Variants in XRCC4 observed in about 807,000 individuals in gnomAD.
XRCC4 encodes DNA repair protein XRCC4.
A neutral mutation model predicts 39.1 loss-of-function variants in XRCC4; 28 were observed. The ratio of observed to expected loss-of-function variants is 0.72; its 90% confidence interval spans 0.53 to 0.98. The LOEUF is 0.98. XRCC4 is among the 50% of genes least tolerant of loss of function. The pLI, the probability that XRCC4 is intolerant of heterozygous loss-of-function variation, is 0.00. For missense variants in XRCC4, 350 were observed against 376.4 expected, an observed-to-expected ratio of 0.93 and a Z score of 0.58; for synonymous variants, 123 against 126.4, an observed-to-expected ratio of 0.97 and a Z score of 0.18.
chr5:83,359,724 A>T, the XRCC4 span, among the ~76,000 whole-genome samples: 4 of 152,216 alleles, frequency 2.6e-5, no homozygotes, highest in Non-Finnish European at 5.9e-5. Flanking sequence ...ATTAATTTCC[A>T]TTAGCTTCAA....
intron 1 of XRCC4, among the ~76,000 whole-genome samples, chr5:83,078,469 G>T (rs1744779480): frequency 6.6e-6 from 1 of 152,174 alleles, no homozygotes; most frequent in African/African-American, 2.4e-5. Flanking sequence ...CTTAGAAGGT[G>T]GATAGAGAGA....
intron 7 of XRCC4, among the ~76,000 whole-genome samples, chr5:83,288,957 C>G (rs901069866): frequency 4.6e-5 from 7 of 151,484 alleles, no homozygotes; most frequent in Non-Finnish European, 1.0e-4. Flanking sequence ...ATATTCTGTT[C>G]TATTTTTTCA....
At chr5:83,278,879 G>T (rs4317300) in intron 7 of XRCC4, among the ~76,000 whole-genome samples, 30,419 of 149,998 alleles carry the variant, frequency 0.2, 7,206 homozygotes, top group African/African-American at 0.58. Context: ...TCCCAGGTAC[G>T]TAGGGGGCTG....
chr5:83,335,071 C>T (rs900020355), intron 7 of XRCC4, among the ~76,000 whole-genome samples: 1 of 151,912 alleles, frequency 6.6e-6, no homozygotes, highest in Admixed American at 6.6e-5. Context: ...GTGCTATTCT[C>T]CTCTGTCCTG....
intron 7 of XRCC4, among the ~76,000 whole-genome samples, chr5:83,320,532 A>T (rs1382095339): frequency 6.6e-6 from 1 of 152,078 alleles, no homozygotes; most frequent in Non-Finnish European, 1.5e-5. Context: ...ATTTTGAAAG[A>T]AGTTCTACTG....
At chr5:83,133,791 ATGCAAGCAGCCCTTGCT>A (rs552415521) in intron 3 of XRCC4, among the ~76,000 whole-genome samples, 36 of 136,070 alleles carry the variant, frequency 2.6e-4, no homozygotes, top group Admixed American at 1.3e-3. Flanking sequence ...AGGTGACAAC[ATGCAAGCAGCCCTTGCT>A]TGCTCTTGGT....
At chr5:83,344,516 C>T (rs1056814401) in intron 7 of XRCC4, among the ~76,000 whole-genome samples, 6 of 150,720 alleles carry the variant, frequency 4.0e-5, no homozygotes, top group South Asian at 4.2e-4. Context: ...ATGATCCTCC[C>T]GCCTCAGCCT....
chr5:83,298,850 T>G (rs532750363), intron 7 of XRCC4, among the ~76,000 whole-genome samples: 1 of 152,156 alleles, frequency 6.6e-6, no homozygotes, highest in Non-Finnish European at 1.5e-5. Context: ...TTCCTTTAAA[T>G]GTTAGCTCCC....
At chr5:83,271,740 A>T (rs920521245) in intron 7 of XRCC4, among the ~76,000 whole-genome samples, 32 of 151,818 alleles carry the variant, frequency 2.1e-4, no homozygotes, top group Non-Finnish European at 1.2e-4. Context: ...GGGAGGGAAG[A>T]GAGAGAGAGA....
chr5:83,281,214 T>C (rs965321523), intron 7 of XRCC4, among the ~76,000 whole-genome samples: 3 of 152,220 alleles, frequency 2.0e-5, no homozygotes, highest in African/African-American at 7.2e-5. Context: ...CTTCTTTCCA[T>C]GCCTCCTTCA....
intron 3 of XRCC4, among the ~76,000 whole-genome samples, chr5:83,175,781 G>A (rs1325358550): frequency 1.3e-5 from 2 of 152,062 alleles, no homozygotes; most frequent in African/African-American, 2.4e-5. Flanking sequence ...ATTAATTTTT[G>A]TATTTTGAGT....
intron 6 of XRCC4, among the ~76,000 whole-genome samples, chr5:83,233,240 A>G (rs1752561800): frequency 6.6e-6 from 1 of 152,184 alleles, no homozygotes; most frequent in Non-Finnish European, 1.5e-5. Flanking sequence ...TCTGATGTCA[A>G]TATAAATCCT....
In XRCC4 at chr5:83,160,070, C is replaced by A. The variant is rs570833144; in HGVS notation, c.316-35700C>A. ...GATATTTCTTCATTTTTCAATATGCCGTGAGTTTAAAATTTAAAAAGAAAT... is the reference window on the plus strand; with the variant it reads ...GATATTTCTTCATTTTTCAATATGCAGTGAGTTTAAAATTTAAAAAGAAAT... On this transcript the variant is annotated intron_variant, in intron 3 of 7. Transcript: ENST00000396027. Among the ~76,000 whole-genome samples the A allele has an allele frequency of 1.6e-4, 24 of 152,082 alleles. No homozygotes were observed. In the South Asian group the frequency reaches 3.9e-3, roughly 25 times the overall value.
Position 83,203,583 on chromosome 5 carries a change from T to C in XRCC4, c.514T>C (p.Leu172=). ...FEKCVSAKEA[L]ETDLYKRFIL... is the part of the protein sequence containing the mutation. The stretch of plus-strand genomic sequence containing the variant: ...AAAATGTGTGAGTGCTAAGGAAGCT[T>C]TGGAGACTGATCTTTATAAGCGGTT... Residue 172 remains leucine, a synonymous_variant, in exon 5 of 8, where the codon TTG becomes CTG. Transcript: ENST00000396027. 6.2e-7 allele frequency: 1 copy of C among 1,602,532 alleles called. No homozygotes were observed. Among genetic ancestry groups the C allele is most frequent in the Non-Finnish European group, 8.5e-7 (1 of 1,176,742 alleles).
chr5:83,268,982 C>T (rs192969764), intron 7 of XRCC4, among the ~76,000 whole-genome samples: 11 of 152,214 alleles, frequency 7.2e-5, no homozygotes, highest in Admixed American at 2.0e-4. Context: ...CAATAAATGG[C>T]ACCATATAAA....
chr5:83,265,635 TAA>T (rs1363975745), intron 7 of XRCC4, among the ~76,000 whole-genome samples: 1 of 152,192 alleles, frequency 6.6e-6, no homozygotes, highest in African/African-American at 2.4e-5. Flanking sequence ...AGTTACACTT[TAA>T]GAGTATGTTT....
At chr5:83,291,239 G>A (rs1388590598) in intron 7 of XRCC4, among the ~76,000 whole-genome samples, 1 of 151,810 alleles carries the variant, frequency 6.6e-6, no homozygotes, top group South Asian at 2.1e-4. Flanking sequence ...ACAAGTTTGT[G>A]TGACTTTGAG....
intron 7 of XRCC4, among the ~76,000 whole-genome samples, chr5:83,313,211 C>G (rs1755766141): frequency 6.6e-6 from 1 of 151,728 alleles, no homozygotes; most frequent in Admixed American, 6.6e-5. Context: ...ATCTTCTGTC[C>G]TAAAGATTGC....
At chr5:83,090,552 T>C (rs1048059989) in intron 1 of XRCC4, among the ~76,000 whole-genome samples, 2 of 152,132 alleles carry the variant, frequency 1.3e-5, no homozygotes, top group African/African-American at 4.8e-5. Context: ...AACCTCCCAA[T>C]TCAAATTTTT....
Sources: allele counts gnomAD v4.1 joint callset (sites outside exome capture counted in the v4.1 genomes callset), GRCh38; gene constraint gnomAD v4.1.1; transcripts MANE v1.5; gene names NCBI Gene and HGNC (gene_info 2026-07-23, HGNC 2026-07-21).